Variants in KIF21B observed in about 807,000 individuals in gnomAD.
KIF21B encodes the protein kinesin family member 21B, also known as kinesin-like protein KIF21B.
Under a neutral mutation model 192.9 loss-of-function variants are expected in KIF21B, and 85 were observed. That is an observed-to-expected ratio of 0.44 (90% CI 0.37 to 0.53). The LOEUF (loss-of-function observed/expected upper bound fraction) is 0.53. KIF21B is among the 20% of genes least tolerant of loss of function. KIF21B has a pLI of 0.00. For synonymous variants in KIF21B, 832 were observed against 884.6 expected (o/e 0.94, Z 1.05); for missense variants, 1,716 against 2,194.8 (o/e 0.78, Z 4.36).
Position 200,972,864 on chromosome 1 carries a change from C to A in KIF21B, c.*657G>T, listed in dbSNP as rs1343625594. ...AGGCAACAGCAAAAAATAAAAATAA[C>A]AAAATAATAAATAACTGAAGTATTT... On this transcript the variant is annotated 3_prime_UTR_variant, in exon 35 of 35. Coordinates refer to ENST00000461742, the MANE Select transcript of KIF21B (RefSeq NM_001252102.2). 4 of 152,660 alleles carry A rather than the reference C, an allele frequency of 2.6e-5. No individual in the cohort carries two copies. Among genetic ancestry groups the A allele is most frequent in the African/African-American group, 9.6e-5 (4 of 41,462 alleles). The allele number at this position is 152,660 out of a possible 1,614,324, so 9.5% of individuals were successfully genotyped here. A position where few individuals can be genotyped will look rare whatever the true frequency, so the allele number is the denominator to read the frequency against.
Position 200,996,086 on chromosome 1 carries a change from G to A in KIF21B, c.2277+110C>T, listed in dbSNP as rs537754046. 4.0e-5 allele frequency: 45 copies of A among 1,123,392 alleles called. No individual in the cohort carries two copies. In the African/African-American group the frequency reaches 6.7e-4, roughly 17 times the overall value. The allele number at this position is 1,123,392 out of a possible 1,614,324, so 69.6% of individuals were successfully genotyped here. A position where few individuals can be genotyped will look rare whatever the true frequency, so the allele number is the denominator to read the frequency against. On this transcript the variant is annotated intron_variant, in intron 15 of 34. Coordinates refer to ENST00000461742, the MANE Select transcript of KIF21B (RefSeq NM_001252102.2). ...TCAAACTAGGTTAATGCTGTGTGTT[G>A]AGAAGAGAATCCACACTTGACAGCA... is the stretch of plus-strand genomic sequence containing the variant.
chr1:200,988,261 G>C, intron 24 of KIF21B, 35 bp downstream of exon 24: 1 of 1,598,782 alleles, frequency 6.3e-7, no homozygotes. Flanking sequence ...GGCTGGCCCT[G>C]CTGCACCCAC....
Position 200,970,336 on chromosome 1 carries a change from G to GAGGGTGAAGAGATTCCT in KIF21B, c.*3168_*3184dup, listed in dbSNP as rs1655152801. The GAGGGTGAAGAGATTCCT allele has an allele frequency of 6.5e-6, 1 of 152,928 alleles. No homozygotes were observed. Among genetic ancestry groups the GAGGGTGAAGAGATTCCT allele is most frequent in the Admixed American group, 6.5e-5 (1 of 15,294 alleles). The allele number at this position is 152,928 out of a possible 1,614,324, so 9.5% of individuals were successfully genotyped here. On this transcript the variant is annotated 3_prime_UTR_variant, in exon 35 of 35. Coordinates refer to ENST00000461742, the MANE Select transcript of KIF21B (RefSeq NM_001252102.2). ...AGACAGGCAGCAGGGCTGGACAGCT[G>GAGGGTGAAGAGATTCCT]AGGGTGAAGAGATTCCTAGGCTGAA...
intron 8 of KIF21B, 162 bp from the exon 9 acceptor site, chr1:201,002,512 C>A: frequency 1.6e-6 from 1 of 622,832 alleles, no homozygotes; most frequent in Non-Finnish European, 2.8e-6. Context: ...CAGCTACTGG[C>A]CCCCAGTGAT....
At position 201,000,509 on chromosome 1, in the gene KIF21B, G is replaced by A. The variant is rs748952092; in HGVS notation, c.1566C>T (p.Ala522=). 3 of 1,610,610 alleles carry A rather than the reference G, an allele frequency of 1.9e-6. No individual in the cohort carries two copies. Among genetic ancestry groups the A allele is most frequent in the Non-Finnish European group, 1.7e-6 (2 of 1,177,912 alleles). ...CAGGGCTGCCCCCGAAGGCCGGGGC[G>A]GCTGGAGAAGCACCCAGGGAGTAGG... The part of the protein sequence containing the change: ...RSPYSLGASP[A]APAFGGSPAS... Residue 522 remains alanine, a synonymous_variant, in exon 11 of 35, where the codon GCC becomes GCT. Coordinates refer to ENST00000461742, the MANE Select transcript of KIF21B (RefSeq NM_001252102.2). This position sits in a 1 kb window ranked among gnomAD's most constrained non-coding sequence, Gnocchi z 6.0.
chr1:201,012,000 G>C (rs1658258553), intron 1 of KIF21B, among the ~76,000 whole-genome samples: 1 of 152,336 alleles, frequency 6.6e-6, no homozygotes, highest in East Asian at 1.9e-4. Flanking sequence ...GGACCACCTG[G>C]GGAGCCTGCC....
rs1655612463 is a variant in KIF21B, at chr1:200,977,156, T to G, written c.4325+56A>C. ...GGGTGGGTCCCCCTGAACCAAGACC[T>G]GGGGACCTTGCCTGGGAATGCCAAA... On this transcript the variant is annotated intron_variant, in intron 31 of 34. Transcript: ENST00000461742. The G allele has an allele frequency of 1.9e-6, 3 of 1,565,096 alleles. No homozygotes were observed. The East Asian group carries it at 6.8e-5, about 35-fold the overall frequency.
intron 1 of KIF21B, among the ~76,000 whole-genome samples, chr1:201,015,975 G>C (rs1359207561): frequency 1.3e-5 from 2 of 152,108 alleles, no homozygotes; most frequent in East Asian, 3.9e-4. Context: ...ATCTGATGAG[G>C]ACACATACTA....
intron 34 of KIF21B, chr1:200,974,072 G>A: frequency 6.2e-7 from 1 of 1,610,652 alleles, no homozygotes; most frequent in Non-Finnish European, 8.5e-7. Context: ...AATGAAAGAG[G>A]AGACAGGGAG....
chr1:200,990,273 C>G lies in KIF21B; in HGVS notation c.2895G>C (p.Gln965His). ...EALRRKRERLQAESPEEEKGL... is the reference protein window; with the variant it reads ...EALRRKRERLHAESPEEEKGL... Reference sequence around the variant, plus strand: ...CCTTCTCTTCCTCGGGGCTCTCAGCCTGCAGCCGCTCCCGCTTCCTCCGCA... The same window carrying G: ...CCTTCTCTTCCTCGGGGCTCTCAGCGTGCAGCCGCTCCCGCTTCCTCCGCA... Residue 965 changes from glutamine to histidine, a missense_variant, in exon 20 of 35, where the codon CAG becomes CAC. This residue lies in a region of KIF21B where 1,087 missense variants were observed against 1,316.6 expected (regional missense o/e 0.83). Transcript: ENST00000461742. The surrounding 1 kb of genome is among the most constrained non-coding windows in gnomAD (Gnocchi z 5.4). The G allele has an allele frequency of 6.2e-7, 1 of 1,613,490 alleles. No homozygotes were observed. The highest frequency in any genetic ancestry group is 8.5e-7 in the Non-Finnish European group (1 of 1,179,910).
At position 200,982,496 on chromosome 1, in the gene KIF21B, C is replaced by T. The variant is rs75142312; in HGVS notation, c.3842+560G>A. ...GGAGAACCAGCCTCCAGCCATCCCACAGGCTGCGGGAAGGGGAGGTACCCA... is the reference window on the plus strand; with the variant it reads ...GGAGAACCAGCCTCCAGCCATCCCATAGGCTGCGGGAAGGGGAGGTACCCA... On this transcript the variant is annotated intron_variant, in intron 28 of 34. Coordinates refer to ENST00000461742, the MANE Select transcript of KIF21B (RefSeq NM_001252102.2). This position sits in a 1 kb window ranked among gnomAD's most constrained non-coding sequence, Gnocchi z 4.7. Among the ~76,000 whole-genome samples the T allele has an allele frequency of 6.4e-3, 977 of 152,296 alleles. 9 individuals carry two copies. The highest frequency in any genetic ancestry group is 0.024 in the Middle Eastern group (7 of 294).
At chr1:200,976,114 T>C (rs916074393) in intron 32 of KIF21B, among the ~76,000 whole-genome samples, 3 of 152,214 alleles carry the variant, frequency 2.0e-5, no homozygotes, top group Non-Finnish European at 4.4e-5. Flanking sequence ...TGTTGGAGAC[T>C]GAGTCTCACT....
intron 5 of KIF21B, 81 bp from the exon 6 acceptor site, chr1:201,005,014 G>A: frequency 2.0e-6 from 3 of 1,476,826 alleles, no homozygotes; most frequent in Non-Finnish European, 2.8e-6. Context: ...CCATCCGGGA[G>A]AGGCACGGTG....
chr1:201,004,931 C>G lies in KIF21B; in HGVS notation c.735G>C (p.Val245=), dbSNP rs1410797530. The change falls in exon 6 of 35, where the codon GTG becomes GTC. Residue 245 remains valine (V), a splice_region_variant and synonymous_variant. Coordinates refer to ENST00000461742, the MANE Select transcript of KIF21B (RefSeq NM_001252102.2). ...QMRMCTQPDL[V]NEAVTGLPDG... Reference sequence around the variant, plus strand: ...CAGGAAGCCCAGTCACCGCCTCATTCACCTGCAGCAGAAGTCAGCTCTGAC... The same window carrying G: ...CAGGAAGCCCAGTCACCGCCTCATTGACCTGCAGCAGAAGTCAGCTCTGAC... The G allele has an allele frequency of 6.2e-7, 1 of 1,605,138 alleles. No homozygotes were observed. Among genetic ancestry groups the G allele is most frequent in the Middle Eastern group, 1.7e-4 (1 of 6,034 alleles).
At position 200,996,180 on chromosome 1, in the gene KIF21B, C is replaced by T. The variant is rs1249966071; in HGVS notation, c.2277+16G>A. 7 of 1,612,130 alleles carry T rather than the reference C, an allele frequency of 4.3e-6. No individual in the cohort carries two copies. The Middle Eastern group carries it at 6.5e-4, about 149-fold the overall frequency. On this transcript the variant is annotated intron_variant, in intron 15 of 34. Coordinates refer to ENST00000461742, the MANE Select transcript of KIF21B (RefSeq NM_001252102.2). ...CAGGCACTCCAGGCCCCACTCCTCACACCCTCGGCCCCTACCTTGGCCTTC... is the reference window on the plus strand; with the variant it reads ...CAGGCACTCCAGGCCCCACTCCTCATACCCTCGGCCCCTACCTTGGCCTTC...
At position 200,974,797 on chromosome 1, in the gene KIF21B, G is replaced by A; in HGVS notation, c.4731C>T (p.Phe1577=). ...GVIKVWNVDN[F]TPIGEIKGHD... ...GGCCCTTGATCTCACCGATGGGTGTGAAGTTGTCCACGTTCCAGACCTTGA... is the reference window on the plus strand; with the variant it reads ...GGCCCTTGATCTCACCGATGGGTGTAAAGTTGTCCACGTTCCAGACCTTGA... Residue 1577 remains phenylalanine (F), a synonymous_variant, in exon 34 of 35, where the codon TTC becomes TTT. Coordinates refer to ENST00000461742, the MANE Select transcript of KIF21B (RefSeq NM_001252102.2). 3 of 1,614,250 alleles carry A rather than the reference G, an allele frequency of 1.9e-6. No individual in the cohort carries two copies. The highest frequency in any genetic ancestry group is 2.2e-5 in the East Asian group (1 of 44,886).
chr1:200,983,219 C>T, intron 27 of KIF21B, 125 bp from the exon 28 acceptor site: 1 of 805,820 alleles, frequency 1.2e-6, no homozygotes, highest in Non-Finnish European at 2.1e-6. Flanking sequence ...GGAGCAGAGA[C>T]AGGCAGAGGA....
rs940757574 is a variant in KIF21B at position 201,023,238 on chromosome 1, G to A, written c.41+105C>T. On this transcript the variant is annotated intron_variant, in intron 1 of 34. Coordinates refer to ENST00000461742, the MANE Select transcript of KIF21B (RefSeq NM_001252102.2). The surrounding 1 kb of genome is among the most constrained non-coding windows in gnomAD (Gnocchi z 5.9). ...TCCCACGCCGGCCCCTCCTCCGGGA[G>A]TGCAGGCTCCAGCCCAAGCGGTGCT... 1.0e-6 allele frequency: 1 copy of A among 992,906 alleles called. No homozygotes were observed. The highest frequency in any genetic ancestry group is 1.4e-6 in the Non-Finnish European group (1 of 718,436). The allele number at this position is 992,906 out of a possible 1,614,324, so 61.5% of individuals were successfully genotyped here.
intron 32 of KIF21B, 25 bp downstream of exon 32, chr1:200,976,751 G>T: frequency 6.7e-7 from 1 of 1,490,112 alleles, no homozygotes; most frequent in South Asian, 1.2e-5. Context: ...GACCAGCCCC[G>T]ACCCAGGCCT....
Sources: gnomAD v4.1 joint callset for allele counts (sites outside exome capture counted in the v4.1 genomes callset) on GRCh38, gnomAD v4.1.1 for gene constraint, gnomAD v4.1.1 regional missense constraint, Gnocchi (gnomAD v3.1) non-coding constraint, MANE v1.5 for transcripts, NCBI Gene and HGNC (gene_info 2026-07-23, HGNC 2026-07-21) for gene names.